SLC8A3: variants seen among roughly 807,000 people sequenced by gnomAD.
The protein encoded by SLC8A3 is solute carrier family 8 member A3.
In SLC8A3, 37 loss-of-function variants were observed where a neutral mutation model predicts 65.4. That is an observed-to-expected ratio of 0.57 (90% CI 0.44 to 0.74). SLC8A3 has a LOEUF of 0.74. Ranked by LOEUF, SLC8A3 falls within the 30% of genes least tolerant of loss-of-function variation. The probability of loss-of-function intolerance (pLI) is 0.00; values close to 1 mark genes in which losing one functional copy is unlikely to be tolerated. For synonymous variants in SLC8A3, 461 were observed against 444.5 expected, an observed-to-expected ratio of 1.04 and a Z score of -0.47; for missense variants, 1,112 against 1,172.1, an observed-to-expected ratio of 0.95 and a Z score of 0.75.
intron 2 of SLC8A3, among the ~76,000 whole-genome samples, chr14:70,103,888 C>T (rs1019680936): frequency 9.9e-5 from 15 of 151,970 alleles, no homozygotes; most frequent in Non-Finnish European, 1.0e-4. Flanking sequence ...GTCTACAAGA[C>T]ATGGACTTAA....
chr14:70,080,369 A>G (rs1400540172), intron 2 of SLC8A3, among the ~76,000 whole-genome samples: 1 of 152,178 alleles, frequency 6.6e-6, no homozygotes, highest in Admixed American at 6.5e-5. Context: ...GTACTCTCCA[A>G]GGAGATTTAC....
intron 1 of SLC8A3, among the ~76,000 whole-genome samples, chr14:70,170,621 T>C (rs1381981215): frequency 6.6e-6 from 1 of 152,250 alleles, no homozygotes; most frequent in East Asian, 1.9e-4. Flanking sequence ...GAAATACATA[T>C]ACATTTCATA....
intron 2 of SLC8A3, among the ~76,000 whole-genome samples, chr14:70,077,684 C>T (rs1890663912): frequency 6.6e-6 from 1 of 152,050 alleles, no homozygotes; most frequent in Non-Finnish European, 1.5e-5. Context: ...CAGATAAAAC[C>T]CCCACCCATG....
intron 2 of SLC8A3, among the ~76,000 whole-genome samples, chr14:70,082,665 G>A (rs548127983): frequency 6.6e-5 from 10 of 152,088 alleles, no homozygotes; most frequent in Non-Finnish European, 1.5e-4. Context: ...ACCTTGCCCT[G>A]TAAGCCCCAT....
chr14:70,176,658 A>G (rs189968952), intron 1 of SLC8A3, among the ~76,000 whole-genome samples: 2 of 152,362 alleles, frequency 1.3e-5, no homozygotes, highest in East Asian at 1.9e-4. Flanking sequence ...TGCGCTGGAC[A>G]AACATCTCAC....
In SLC8A3 at chr14:70,048,986, A is replaced by G; in HGVS notation, c.2170T>C (p.Tyr724His). The stretch of plus-strand genomic sequence containing the variant: ...AAGACAGTCAGGAAGTGCATGACGT[A>G]GTCAAAGCAGGAGGGCAGCCTCTCC... Reference protein sequence around the residue: ...GEERLPSCFDYVMHFLTVFWK... With the variant: ...GEERLPSCFDHVMHFLTVFWK... The change falls in exon 6 of 7, where the codon TAC becomes CAC. Residue 724 changes from tyrosine (Y) to histidine (H), a missense_variant. Transcript: ENST00000356921. 6.2e-7 allele frequency: 1 copy of G among 1,614,192 alleles called. No individual in the cohort carries two copies.
At chr14:70,047,281 C>G (rs1230740636) in intron 6 of SLC8A3, 1 of 152,208 alleles carries the variant, frequency 6.6e-6, no homozygotes, top group Non-Finnish European at 1.5e-5. Context: ...GAGAAAACCT[C>G]TTACCCTTTC....
intron 2 of SLC8A3, among the ~76,000 whole-genome samples, chr14:70,102,941 G>A (rs1892635785): frequency 2.0e-5 from 3 of 151,852 alleles, no homozygotes; most frequent in Non-Finnish European, 4.4e-5. Flanking sequence ...AAAGCTCACA[G>A]AAGTTAGAAG....
intron 2 of SLC8A3, among the ~76,000 whole-genome samples, chr14:70,124,453 C>T (rs994615855): frequency 2.6e-5 from 4 of 152,360 alleles, no homozygotes; most frequent in East Asian, 1.9e-4. Context: ...CCTCCATTCC[C>T]ACTATGGCCT....
chr14:70,082,908 C>T (rs1891159326), intron 2 of SLC8A3, among the ~76,000 whole-genome samples: 1 of 152,126 alleles, frequency 6.6e-6, no homozygotes, highest in Admixed American at 6.5e-5. Flanking sequence ...CCCATCTGTA[C>T]CAATTCCCTT....
chr14:70,126,933 C>T (rs1217052408), intron 2 of SLC8A3, among the ~76,000 whole-genome samples: 1 of 152,028 alleles, frequency 6.6e-6, no homozygotes, highest in Non-Finnish European at 1.5e-5. Context: ...AAAAACACTT[C>T]TGGTATCAAG....
intron 2 of SLC8A3, among the ~76,000 whole-genome samples, chr14:70,118,632 T>C (rs567814143): frequency 6.6e-6 from 1 of 152,358 alleles, no homozygotes; most frequent in East Asian, 1.9e-4. Flanking sequence ...AGAAATCCTT[T>C]TGGTGATGCT....
chr14:70,065,442 C>T (rs942540241), intron 2 of SLC8A3, among the ~76,000 whole-genome samples: 16 of 152,074 alleles, frequency 1.1e-4, no homozygotes, highest in Admixed American at 2.6e-4. Flanking sequence ...GTAGAAAGCC[C>T]GTGGCTCTTC....
At chr14:70,087,780 A>G (rs1891536333) in intron 2 of SLC8A3, among the ~76,000 whole-genome samples, 1 of 152,188 alleles carries the variant, frequency 6.6e-6, no homozygotes, top group Non-Finnish European at 1.5e-5. Context: ...CGTCATTTCT[A>G]TTTTATAAAA....
chr14:70,065,365 A>G (rs529414409), intron 2 of SLC8A3, among the ~76,000 whole-genome samples: 1 of 152,046 alleles, frequency 6.6e-6, no homozygotes, highest in Non-Finnish European at 1.5e-5. Flanking sequence ...CCACCCCACC[A>G]CATGAACTCC....
At chr14:70,172,705 C>T (rs899372318) in intron 1 of SLC8A3, among the ~76,000 whole-genome samples, 1 of 151,814 alleles carries the variant, frequency 6.6e-6, no homozygotes, top group Non-Finnish European at 1.5e-5. Context: ...AGAGAGACAC[C>T]GCGTTTGCCC....
At chr14:70,102,970 G>A in intron 2 of SLC8A3, among the ~76,000 whole-genome samples, 1 of 151,874 alleles carries the variant, frequency 6.6e-6, no homozygotes, top group Non-Finnish European at 1.5e-5. Context: ...ACACCAAGTG[G>A]AATAAATACA....
intron 1 of SLC8A3, among the ~76,000 whole-genome samples, chr14:70,185,969 T>G (rs1883175163): frequency 6.6e-6 from 1 of 152,224 alleles, no homozygotes. Flanking sequence ...CAAATATTTT[T>G]CTTTTGGAGT....
intron 2 of SLC8A3, 67 bp downstream of exon 2, chr14:70,166,572 C>G: frequency 2.2e-6 from 2 of 927,300 alleles, no homozygotes; most frequent in Non-Finnish European, 3.4e-6. Context: ...AAGTGCAGTA[C>G]AGAAAGACAG....
Sources: allele counts gnomAD v4.1 joint callset (sites outside exome capture counted in the v4.1 genomes callset), GRCh38; gene constraint gnomAD v4.1.1; transcripts MANE v1.5; gene names NCBI Gene and HGNC (gene_info 2026-07-23, HGNC 2026-07-21).